EFL1: variants seen among roughly 807,000 people sequenced by gnomAD.
The protein encoded by EFL1 is elongation factor like GTPase 1.
EFL1 carries 76 observed loss-of-function variants against 126.7 expected under a neutral mutation model. The observed-to-expected ratio is 0.60, with a 90% CI of 0.50 to 0.73. EFL1 has a LOEUF of 0.73. Ranked by LOEUF, EFL1 falls within the 30% of genes least tolerant of loss-of-function variation. The pLI is 0.00. For synonymous variants in EFL1, 410 were observed against 448.4 expected, an observed-to-expected ratio of 0.91 and a Z score of 1.08; for missense variants, 1,128 against 1,343.2, an observed-to-expected ratio of 0.84 and a Z score of 2.50.
intron 14 of EFL1, among the ~76,000 whole-genome samples, chr15:82,216,347 A>G (rs1192116043): frequency 6.6e-6 from 1 of 152,200 alleles, no homozygotes. Context: ...CGAAGCCTCA[A>G]CAGGGCTTTT....
chr15:82,240,288 T>C (rs1328316038), intron 6 of EFL1, 130 bp downstream of exon 6: 2 of 837,560 alleles, frequency 2.4e-6, no homozygotes, highest in Non-Finnish European at 3.6e-6. Flanking sequence ...TCTTGTAGAA[T>C]AACAGCAACA....
intron 15 of EFL1, among the ~76,000 whole-genome samples, chr15:82,196,531 G>A (rs1249132981): frequency 6.6e-6 from 1 of 152,166 alleles, no homozygotes; most frequent in Non-Finnish European, 1.5e-5. Flanking sequence ...TAGCTAATAA[G>A]CAATGGCTGG....
intron 14 of EFL1, 89 bp downstream of exon 14, chr15:82,219,563 C>T (rs776922259): frequency 5.6e-5 from 78 of 1,396,920 alleles, no homozygotes; most frequent in Non-Finnish European, 6.9e-5. Context: ...CTAAATCTAC[C>T]AACAAGATAA....
rs777772248 is a variant in EFL1, at chr15:82,214,705, G to A, written c.1750+12C>T. ...GAATGGAGTAAGGATAAAATAAACA[G>A]CATCACCCTACCTAGCACATTTCCT... On this transcript the variant is annotated intron_variant, in intron 15 of 19. Transcript: ENST00000268206. 1.1e-5 allele frequency: 16 copies of A among 1,498,214 alleles called. No homozygotes were observed. The highest frequency in any genetic ancestry group is 6.5e-5 in the Admixed American group (3 of 46,450). The allele number at this position is 1,498,214 out of a possible 1,614,324, so 92.8% of individuals were successfully genotyped here.
intron 15 of EFL1, among the ~76,000 whole-genome samples, chr15:82,181,433 A>C (rs1017416039): frequency 6.6e-6 from 1 of 152,176 alleles, no homozygotes; most frequent in Non-Finnish European, 1.5e-5. Flanking sequence ...AACAGAGAAA[A>C]ACACAACCAT....
chr15:82,225,768 T>C (rs1250463253), intron 11 of EFL1, among the ~76,000 whole-genome samples: 1 of 152,148 alleles, frequency 6.6e-6, no homozygotes, highest in Non-Finnish European at 1.5e-5. Context: ...TAGAAATAAA[T>C]TAAGATTCAA....
chr15:82,145,147 T>C (rs2073830165), intron 18 of EFL1, among the ~76,000 whole-genome samples: 2 of 149,558 alleles, frequency 1.3e-5, no homozygotes, highest in African/African-American at 4.9e-5. Flanking sequence ...CTACTAAAAA[T>C]ATAAAATTAG....
At chr15:82,253,693 C>G (rs1392845829) in intron 3 of EFL1, among the ~76,000 whole-genome samples, 1 of 152,124 alleles carries the variant, frequency 6.6e-6, no homozygotes, top group African/African-American at 2.4e-5. Flanking sequence ...ATTTTGAATA[C>G]ATCTTTTTTA....
At chr15:82,138,426 G>GAGTA (rs1555423509) in intron 19 of EFL1, among the ~76,000 whole-genome samples, 1 of 30,726 alleles carries the variant, frequency 3.3e-5, no homozygotes, top group African/African-American at 1.2e-4. Context: ...GAGAGAGAGA[G>GAGTA]TGTATGTGTG....
chr15:82,165,291 G>C (rs2074067492), intron 15 of EFL1, among the ~76,000 whole-genome samples: 1 of 152,120 alleles, frequency 6.6e-6, no homozygotes, highest in African/African-American at 2.4e-5. Flanking sequence ...AAGAGAGAGA[G>C]CGAGAGAAAC....
chr15:82,191,681 A>G (rs932451024), intron 15 of EFL1, among the ~76,000 whole-genome samples: 1 of 151,848 alleles, frequency 6.6e-6, no homozygotes, highest in African/African-American at 2.4e-5. Context: ...ATTACACTCT[A>G]TCCATACATG....
chr15:82,244,491 C>A (rs1054791580), intron 4 of EFL1, among the ~76,000 whole-genome samples: 3 of 152,108 alleles, frequency 2.0e-5, no homozygotes, highest in African/African-American at 7.3e-5. Context: ...TTAATCCCTG[C>A]AATAGCATTC....
At chr15:82,192,457 C>T (rs1458200793) in intron 15 of EFL1, among the ~76,000 whole-genome samples, 2 of 148,286 alleles carry the variant, frequency 1.3e-5, no homozygotes, top group Admixed American at 6.7e-5. Context: ...GTTTTGAAAA[C>T]GTATGGAACC....
At chr15:82,223,946 T>G (rs1183569776) in intron 12 of EFL1, among the ~76,000 whole-genome samples, 12 of 152,206 alleles carry the variant, frequency 7.9e-5, no homozygotes, top group African/African-American at 1.9e-4. Context: ...TTGAATACAC[T>G]TAATGTCCAA....
At chr15:82,148,421 T>A (rs2073872298) in intron 18 of EFL1, among the ~76,000 whole-genome samples, 1 of 151,338 alleles carries the variant, frequency 6.6e-6, no homozygotes, top group African/African-American at 2.4e-5. Flanking sequence ...TGATTTGGGA[T>A]TTTGGATTTT....
Position 82,241,375 on chromosome 15 carries a change from T to C in EFL1, c.273A>G (p.Ile91Met). 2 of 1,614,064 alleles carry C rather than the reference T, an allele frequency of 1.2e-6. No homozygotes were observed. The highest frequency in any genetic ancestry group is 1.7e-4 in the Middle Eastern group (1 of 6,058). Residue 91 changes from isoleucine (I) to methionine (M), a missense_variant, in exon 5 of 20, where the codon ATA becomes ATG. Ile to Met is a conservative substitution (Grantham distance 10). This residue lies in a region of EFL1 where 118 missense variants were observed against 188.1 expected (regional missense o/e 0.63). Transcript: ENST00000268206. ...TGNEEYLINL[I>M]DSPGHVDFSS... ...AAAAGTCCACGTGTCCTGGAGAGTC[T>C]ATCAGATTGATCAGGTACTCCTCAT...
intron 15 of EFL1, among the ~76,000 whole-genome samples, chr15:82,171,073 A>G (rs1395908520): frequency 1.3e-5 from 2 of 152,238 alleles, no homozygotes; most frequent in African/African-American, 4.8e-5. Flanking sequence ...TTTAAACCCT[A>G]AATATTTCCA....
In EFL1 at chr15:82,238,437, T is replaced by G; in HGVS notation, c.601A>C (p.Asn201His). The G allele has an allele frequency of 6.2e-7, 1 of 1,614,154 alleles. No individual in the cohort carries two copies. The highest frequency in any genetic ancestry group is 1.1e-5 in the South Asian group (1 of 91,084). ...TATACTTGCTCTCCTTGTTCAGAAT[T>G]TGGATTCACTTGGGATTCAGTCTCC... Reference protein sequence around the residue: ...ERETESQVNPNSEQGEQVYDW... With the variant: ...ERETESQVNPHSEQGEQVYDW... The change falls in exon 7 of 20, where the codon AAT becomes CAT. Residue 201 changes from asparagine to histidine, a missense_variant. Physicochemically the swap from Asn to His is moderately conservative, Grantham distance 68. This residue lies in a region of EFL1 where 316 missense variants were observed against 318.5 expected (regional missense o/e 0.99). Coordinates refer to ENST00000268206, the MANE Select transcript of EFL1 (RefSeq NM_024580.6).
At chr15:82,216,295 G>A (rs1360925023) in intron 14 of EFL1, among the ~76,000 whole-genome samples, 2 of 152,138 alleles carry the variant, frequency 1.3e-5, no homozygotes, top group Non-Finnish European at 2.9e-5. Flanking sequence ...ATAAAATGCT[G>A]ATTCATGCCA....
Sources: allele counts gnomAD v4.1 joint callset (sites outside exome capture counted in the v4.1 genomes callset), GRCh38; gene constraint gnomAD v4.1.1; regional missense constraint gnomAD v4.1.1; transcripts MANE v1.5; gene names NCBI Gene and HGNC (gene_info 2026-07-23, HGNC 2026-07-21).